EP400: variants seen among roughly 807,000 people sequenced by gnomAD.
EP400 encodes the protein E1A binding protein p400.
Under a neutral mutation model 354.1 loss-of-function variants are expected in EP400, and 105 were observed. That is an observed-to-expected ratio of 0.30 (90% CI 0.25 to 0.35). The LOEUF is 0.35. EP400 is among the 10% of genes least tolerant of loss of function. The pLI is 1.00. For synonymous variants in EP400, 1,646 were observed against 1,716.9 expected (o/e 0.96, Z 1.02); for missense variants, 3,280 against 4,121.0 (o/e 0.80, Z 5.59).
intron 52 of EP400, 138 bp from the exon 53 acceptor site, chr12:132,077,262 GT>G: frequency 9.1e-7 from 1 of 1,093,560 alleles, no homozygotes; most frequent in South Asian, 1.6e-5. Context: ...ATACTGTTGT[GT>G]GACTGGTCAT....
chr12:132,074,087 G>A (rs1896154144), intron 51 of EP400, among the ~76,000 whole-genome samples: 1 of 151,654 alleles, frequency 6.6e-6, no homozygotes. Flanking sequence ...ACCATGCCCA[G>A]CTAATTTTTA....
chr12:132,056,896 C>A (rs924932750), intron 45 of EP400, among the ~76,000 whole-genome samples: 4 of 152,072 alleles, frequency 2.6e-5, no homozygotes, highest in African/African-American at 7.2e-5. Context: ...GTCACTTCAC[C>A]AAGAAGCTAG....
Position 132,044,693 on chromosome 12 carries a change from A to G in EP400, c.6608A>G (p.Asp2203Gly), listed in dbSNP as rs199864617. Residue 2203 changes from aspartate (D) to glycine (G), a missense_variant, in exon 36 of 53, where the codon GAT (aspartate) becomes GGT (glycine). This residue lies in a region of EP400 where 231 missense variants were observed against 257.9 expected (regional missense o/e 0.90). Coordinates refer to ENST00000389561, the MANE Select transcript of EP400 (RefSeq NM_015409.5). ...CAGGAGTATGTCTACGAAGATGTCG[A>G]TGGGCAGACAGAAGTCATGCCGGTG... ...YSMEYVYEDV[D>G]GQTEVMPLWT... The G allele has an allele frequency of 9.0e-5, 146 of 1,614,076 alleles. No individual in the cohort carries two copies. The highest frequency in any genetic ancestry group is 1.5e-4 in the Admixed American group (9 of 60,012).
rs1893967097 is a variant in EP400 at position 132,017,105 on chromosome 12, G to A, written c.3924-430G>A. On this transcript the variant is annotated intron_variant, in intron 19 of 52. Coordinates refer to ENST00000389561, the MANE Select transcript of EP400 (RefSeq NM_015409.5). The surrounding 1 kb of genome is among the most constrained non-coding windows in gnomAD (Gnocchi z 5.0). ...CTGGGTGGTAAGCCGCACAGGGCAT[G>A]GACCTGGGTCCTCGTCTACCCCCGC... Among the ~76,000 whole-genome samples the A allele has an allele frequency of 6.6e-6, 1 of 152,218 alleles. No homozygotes were observed. The highest frequency in any genetic ancestry group is 2.4e-5 in the African/African-American group (1 of 41,458).
chr12:132,040,951 A>G (rs1425002762), intron 32 of EP400, among the ~76,000 whole-genome samples: 1 of 152,206 alleles, frequency 6.6e-6, no homozygotes, highest in African/African-American at 2.4e-5. Flanking sequence ...GTCCCAGAGC[A>G]GTAACACTGG....
chr12:132,006,260 T>G lies in EP400; in HGVS notation c.3084T>G (p.Ala1028=), dbSNP rs1893577465. 1 of 1,614,114 alleles carries G rather than the reference T, an allele frequency of 6.2e-7. No individual in the cohort carries two copies. The highest frequency in any genetic ancestry group is 8.5e-7 in the Non-Finnish European group (1 of 1,180,046). ...AKDIADVTAV[A]EAILPKGSAR... is the part of the protein sequence containing the mutation. ...ACATTGCGGACGTCACTGCGGTGGCTGAAGCCATCCTGCCGAAGGGCAGTG... is the reference window on the plus strand; with the variant it reads ...ACATTGCGGACGTCACTGCGGTGGCGGAAGCCATCCTGCCGAAGGGCAGTG... The change falls in exon 14 of 53, where the codon GCT becomes GCG. Residue 1028 remains alanine, a synonymous_variant. Coordinates refer to ENST00000389561, the MANE Select transcript of EP400 (RefSeq NM_015409.5).
chr12:132,053,014 C>T (rs1003332090), intron 41 of EP400, 132 bp from the exon 42 acceptor site: 52 of 912,194 alleles, frequency 5.7e-5, no homozygotes, highest in Non-Finnish European at 8.2e-5. Flanking sequence ...ACATTGGGCA[C>T]CTTGCTTTAC....
intron 15 of EP400, among the ~76,000 whole-genome samples, chr12:132,008,426 C>G (rs1893656704): frequency 1.3e-5 from 2 of 152,158 alleles, no homozygotes; most frequent in South Asian, 4.1e-4. Context: ...TTGTTTCTGT[C>G]TTTGGCCCGT....
chr12:132,076,912 C>T (rs1018183978), intron 52 of EP400, among the ~76,000 whole-genome samples: 3 of 152,370 alleles, frequency 2.0e-5, no homozygotes, highest in Admixed American at 6.5e-5. Context: ...CAAGCAGGCT[C>T]CGCTCGGGGC....
chr12:131,988,325 C>G (rs561646016), intron 7 of EP400, among the ~76,000 whole-genome samples: 206 of 152,336 alleles, frequency 1.4e-3, no homozygotes, highest in African/African-American at 4.9e-3. Flanking sequence ...TGCTCACCCA[C>G]TAAGCAATGA....
At chr12:132,003,465 G>A (rs1431828549) in intron 12 of EP400, among the ~76,000 whole-genome samples, 1 of 152,148 alleles carries the variant, frequency 6.6e-6, no homozygotes, top group East Asian at 1.9e-4. Context: ...CCTTCTCAGG[G>A]ATACTGAGGG....
chr12:132,011,717 C>A, intron 16 of EP400, 83 bp downstream of exon 16: 1 of 1,410,060 alleles, frequency 7.1e-7, no homozygotes, highest in Non-Finnish European at 9.5e-7. Context: ...AATGTGAAGA[C>A]ATGCTTATTC....
intron 2 of EP400, among the ~76,000 whole-genome samples, chr12:131,970,832 G>A (rs1459379138): frequency 6.6e-6 from 1 of 152,164 alleles, no homozygotes; most frequent in Non-Finnish European, 1.5e-5. Context: ...TTAATTAACA[G>A]TTACCCTTGT....
intron 3 of EP400, among the ~76,000 whole-genome samples, chr12:131,980,627 C>T (rs1194536178): frequency 6.6e-6 from 1 of 152,200 alleles, no homozygotes; most frequent in African/African-American, 2.4e-5. Context: ...CTCACTGCAG[C>T]CTCTACCTCC....
At chr12:131,984,821 C>G (rs137953705) in intron 5 of EP400, among the ~76,000 whole-genome samples, 1 of 152,002 alleles carries the variant, frequency 6.6e-6, no homozygotes, top group African/African-American at 2.4e-5. Flanking sequence ...GCCTCAGCCT[C>G]CCGAGTAGCT....
intron 34 of EP400, among the ~76,000 whole-genome samples, chr12:132,043,943 T>A (rs1371181823): frequency 6.6e-6 from 1 of 152,086 alleles, no homozygotes; most frequent in Non-Finnish European, 1.5e-5. Context: ...TGTTCTCCCC[T>A]CGTAGGGACC....
chr12:132,023,299 ATTTTTT>A (rs767816284), intron 23 of EP400, among the ~76,000 whole-genome samples: 5 of 71,042 alleles, frequency 7.0e-5, no homozygotes, highest in African/African-American at 2.5e-4. Context: ...TGCCCAGCTA[ATTTTTT>A]TTTTTTTTTT....
In EP400 at chr12:132,076,539, T is replaced by TCAACAG. The variant is rs750167812; in HGVS notation, c.9049_9054dup (p.Gln3017_Gln3018dup). Reference sequence around the variant, plus strand: ...AGGTTGCAAAACTTCCTCAAGTTGTTCAACAGCAAACACCCGTGGCCAGCA... The same window carrying TCAACAG: ...AGGTTGCAAAACTTCCTCAAGTTGTTCAACAGCAACAGCAAACACCCGTGGCCAGCA... On this transcript the variant is annotated inframe_insertion, in exon 52 of 53. Transcript: ENST00000389561. 6.2e-7 allele frequency: 1 copy of TCAACAG among 1,614,172 alleles called. No individual in the cohort carries two copies. The highest frequency in any genetic ancestry group is 8.5e-7 in the Non-Finnish European group (1 of 1,180,002).
chr12:132,012,223 T>G (rs1893791004), intron 16 of EP400, among the ~76,000 whole-genome samples: 1 of 152,210 alleles, frequency 6.6e-6, no homozygotes, highest in South Asian at 2.1e-4. Context: ...TAGTATTTTC[T>G]TTTTTACTAT....
Sources: allele counts gnomAD v4.1 joint callset (sites outside exome capture counted in the v4.1 genomes callset), GRCh38; gene constraint gnomAD v4.1.1; regional missense constraint gnomAD v4.1.1; non-coding constraint Gnocchi (gnomAD v3.1); transcripts MANE v1.5; gene names NCBI Gene and HGNC (gene_info 2026-07-23, HGNC 2026-07-21).